The following NRG1 variants were observed in gnomAD, a reference collection of about 807,000 sequenced individuals.
NRG1 encodes neuregulin 1.
A neutral mutation model predicts 63.8 loss-of-function variants in NRG1; 18 were observed. The observed-to-expected ratio is 0.28, with a 90% CI of 0.19 to 0.42. The LOEUF is 0.42. NRG1 is among the 10% of genes least tolerant of loss of function. The pLI is 1.00. For missense variants in NRG1, 762 were observed against 814.7 expected, an observed-to-expected ratio of 0.94 and a Z score of 0.79; for synonymous variants, 302 against 301.3, an observed-to-expected ratio of 1.00 and a Z score of -0.02.
chr8:32,647,185 C>G, intron 5 of NRG1: 3 of 985,384 alleles, frequency 3.0e-6, no homozygotes, highest in Non-Finnish European at 3.6e-6. Context: ...CAGCCGTCGT[C>G]GCGTTAACAC....
chr8:32,155,985 C>T (rs1457196637), intron 1 of NRG1, among the ~76,000 whole-genome samples: 2 of 152,178 alleles, frequency 1.3e-5, no homozygotes, highest in African/African-American at 4.8e-5. Flanking sequence ...GTTATTTCCA[C>T]ACAGCAGTCA....
intron 1 of NRG1, among the ~76,000 whole-genome samples, chr8:31,700,450 A>T (rs1810519685): frequency 6.6e-6 from 1 of 152,182 alleles, no homozygotes; most frequent in Non-Finnish European, 1.5e-5. Flanking sequence ...ACAGCTCCCG[A>T]TCTCATCCAA....
intron 1 of NRG1, among the ~76,000 whole-genome samples, chr8:32,019,185 G>A (rs546928212): frequency 7.9e-5 from 12 of 152,200 alleles, no homozygotes; most frequent in African/African-American, 2.9e-4. Context: ...TGCAAGCTCC[G>A]TCTCCCAGGT....
chr8:32,392,800 T>C (rs1418424167), intron 1 of NRG1, among the ~76,000 whole-genome samples: 1 of 152,210 alleles, frequency 6.6e-6, no homozygotes, highest in Non-Finnish European at 1.5e-5. Flanking sequence ...TAAAAATCTT[T>C]TAATTAAAAC....
intron 1 of NRG1, among the ~76,000 whole-genome samples, chr8:31,664,009 A>G (rs908930805): frequency 9.9e-5 from 15 of 152,064 alleles, no homozygotes; most frequent in Non-Finnish European, 2.2e-4. Flanking sequence ...TTCTTATAGA[A>G]TAATTACTGG....
chr8:32,034,835 C>G (rs190338346), intron 1 of NRG1, among the ~76,000 whole-genome samples: 28 of 151,310 alleles, frequency 1.9e-4, no homozygotes, highest in African/African-American at 6.5e-4. Context: ...GATTTTCTCT[C>G]TTTTCTTCTT....
At chr8:32,738,823 A>T (rs569183228) in intron 6 of NRG1, among the ~76,000 whole-genome samples, 11 of 152,314 alleles carry the variant, frequency 7.2e-5, no homozygotes, top group African/African-American at 2.6e-4. Flanking sequence ...TTGGCAACAA[A>T]TTTAGATGTC....
chr8:31,830,076 A>G (rs1485220653), intron 1 of NRG1, among the ~76,000 whole-genome samples: 1 of 152,208 alleles, frequency 6.6e-6, no homozygotes, highest in Non-Finnish European at 1.5e-5. Context: ...AAAATAGTAT[A>G]GCAGCCACTC....
At chr8:32,282,637 C>A (rs79057494) in intron 1 of NRG1, among the ~76,000 whole-genome samples, 3,085 of 152,290 alleles carry the variant, frequency 0.02, 37 homozygotes, top group Non-Finnish European at 0.032. Flanking sequence ...TCAAGGTCTT[C>A]TTTCCATTAT....
chr8:32,674,889 CT>C (rs1806650928), intron 5 of NRG1, among the ~76,000 whole-genome samples: 1 of 152,170 alleles, frequency 6.6e-6, no homozygotes, highest in African/African-American at 2.4e-5. Flanking sequence ...GAGCCCAAGT[CT>C]CCTTCTGAAT....
At chr8:32,236,030 GAAGTT>G (rs1240037060) in intron 1 of NRG1, among the ~76,000 whole-genome samples, 1 of 152,108 alleles carries the variant, frequency 6.6e-6, no homozygotes, top group Non-Finnish European at 1.5e-5. Flanking sequence ...CTGAGAGCAA[GAAGTT>G]AAGTATAATG....
downstream of NRG1, among the ~76,000 whole-genome samples, chr8:32,768,128 A>C (rs1831565048): frequency 6.6e-6 from 1 of 152,130 alleles, no homozygotes; most frequent in Admixed American, 6.6e-5. Flanking sequence ...ACCTGTTCTC[A>C]AATCATCTCC....
At chr8:32,385,371 A>G (rs911469987) in intron 1 of NRG1, among the ~76,000 whole-genome samples, 1 of 152,120 alleles carries the variant, frequency 6.6e-6, no homozygotes, top group African/African-American at 2.4e-5. Flanking sequence ...GAGAGGCAAA[A>G]CAACCAACAG....
chr8:32,717,477 C>G (rs747803744), intron 5 of NRG1, among the ~76,000 whole-genome samples: 1 of 152,054 alleles, frequency 6.6e-6, no homozygotes, highest in Non-Finnish European at 1.5e-5. Context: ...CTACTCTGAT[C>G]GTGAACTTGG....
intron 1 of NRG1, among the ~76,000 whole-genome samples, chr8:32,405,200 C>T (rs951643974): frequency 8.5e-5 from 13 of 152,200 alleles, no homozygotes; most frequent in African/African-American, 2.9e-4. Flanking sequence ...GTTCTCTCTT[C>T]AAGGAAGAAA....
chr8:31,752,608 C>T (rs1816595910), intron 1 of NRG1, among the ~76,000 whole-genome samples: 1 of 152,014 alleles, frequency 6.6e-6, no homozygotes, highest in Admixed American at 6.6e-5. Context: ...TTTGAAGTCA[C>T]AGCCGTTGGG....
Position 32,392,525 on chromosome 8 carries a change from C to T in NRG1, c.38-203303C>T, listed in dbSNP as rs371923933. Reference sequence around the variant, plus strand: ...AGGAGTTGTTGTTGATGTTGGTTTACTTTAATATGTCCAATTATACCATTA... The same window carrying T: ...AGGAGTTGTTGTTGATGTTGGTTTATTTTAATATGTCCAATTATACCATTA... On this transcript the variant is annotated intron_variant, in intron 1 of 10. Coordinates refer to the NRG1 transcript ENST00000519301. Among the ~76,000 whole-genome samples the T allele has an allele frequency of 9.2e-5, 14 of 152,154 alleles. No homozygotes were observed. The East Asian group carries it at 1.2e-3, about 13-fold the overall frequency.
chr8:32,713,283 G>C (rs544007311), intron 5 of NRG1, among the ~76,000 whole-genome samples: 4 of 152,252 alleles, frequency 2.6e-5, no homozygotes, highest in African/African-American at 9.6e-5. Context: ...CTGCCAGCCT[G>C]TTGACCCAAG....
At chr8:32,733,419 A>G (rs74387601) in intron 6 of NRG1, among the ~76,000 whole-genome samples, 4,573 of 152,242 alleles carry the variant, frequency 0.03, 292 homozygotes, top group East Asian at 0.28. Flanking sequence ...AGCAAATATA[A>G]TACTTTAAGT....
Sources: gnomAD v4.1 joint callset for allele counts (sites outside exome capture counted in the v4.1 genomes callset) on GRCh38, gnomAD v4.1.1 for gene constraint, MANE v1.5 for transcripts, NCBI Gene and HGNC (gene_info 2026-07-23, HGNC 2026-07-21) for gene names.